HMCN2: variants seen among roughly 807,000 people sequenced by gnomAD.
The protein encoded by HMCN2 is hemicentin 2, also known as hemicentin-2.
A neutral mutation model predicts 377.5 loss-of-function variants in HMCN2; 325 were observed. The ratio of observed to expected loss-of-function variants is 0.86; its 90% CI spans 0.79 to 0.94. The LOEUF (loss-of-function observed/expected upper bound fraction) is 0.94, where lower values mean the gene tolerates loss of function less well. Ranked by LOEUF, HMCN2 falls within the 40% of genes least tolerant of loss-of-function variation. The probability of loss-of-function intolerance (pLI) is 0.00; values close to 1 mark genes in which losing one functional copy is unlikely to be tolerated. For missense variants in HMCN2, 4,543 were observed against 4,725.3 expected, an observed-to-expected ratio of 0.96 and a Z score of 1.13; for synonymous variants, 2,007 against 2,046.8, an observed-to-expected ratio of 0.98 and a Z score of 0.53.
At position 130,433,574 on chromosome 9, in the gene HMCN2, G is replaced by T. The variant is rs887296860; in HGVS notation, c.15121G>T (p.Val5041Phe). Residue 5041 changes from valine (V) to phenylalanine (F), a missense_variant, in exon 98 of 98, where the codon GTC becomes TTC. Transcript: ENST00000683500. ...LRPLRAGLGAVYTRRALTRAG... is the reference protein window; with the variant it reads ...LRPLRAGLGAFYTRRALTRAG... ...TCCGCTGCGCGCGGGCCTTGGCGCG[G>T]TCTACACCCGTCGCGCGCTCACCCG... 2.7e-6 allele frequency: 4 copies of T among 1,505,224 alleles called. No homozygotes were observed. In the African/African-American group the frequency reaches 4.4e-5, roughly 16 times the overall value. The allele number at this position is 1,505,224 out of a possible 1,614,324, so 93.2% of individuals were successfully genotyped here.
intron 80 of HMCN2, 43 bp downstream of exon 80, chr9:130,403,918 G>A: frequency 7.9e-7 from 1 of 1,269,316 alleles, no homozygotes; most frequent in Non-Finnish European, 1.0e-6. Context: ...GGCAACTGAG[G>A]GGCTTTGAGG....
In HMCN2 at chr9:130,279,230, T is replaced by G. The variant is rs74631693; in HGVS notation, c.260-5373T>G. ...AGAGACAGGGTCACTGCATGCGTGATGTATCCAGTCAACTCTTGCCCCAGA... is the reference window on the plus strand; with the variant it reads ...AGAGACAGGGTCACTGCATGCGTGAGGTATCCAGTCAACTCTTGCCCCAGA... On this transcript the variant is annotated intron_variant, in intron 1 of 97. Coordinates refer to ENST00000683500, the MANE Select transcript of HMCN2 (RefSeq NM_001291815.2). 1.0e-3 allele frequency among the ~76,000 whole-genome samples: 154 copies of G among 152,226 alleles called. 2 individuals are homozygous for G. The East Asian group carries it at 0.028, about 27-fold the overall frequency.
At chr9:130,418,214 C>G (rs1271411579) in intron 85 of HMCN2, among the ~76,000 whole-genome samples, 1 of 152,200 alleles carries the variant, frequency 6.6e-6, no homozygotes, top group Non-Finnish European at 1.5e-5. Flanking sequence ...TAGCCACTAA[C>G]AACAGATATG....
rs1840144519 is a variant in HMCN2, at chr9:130,358,052, G to C, written c.5580+64G>C. On this transcript the variant is annotated intron_variant, in intron 35 of 97. Coordinates refer to ENST00000683500, the MANE Select transcript of HMCN2 (RefSeq NM_001291815.2). ...CACAGGTGGAGGGGCTGCTCTGGGG[G>C]CTTCCTGGAGACTCTGAGCAAATCC... 43 of 1,225,288 alleles carry C rather than the reference G, an allele frequency of 3.5e-5. No individual in the cohort carries two copies. The South Asian group carries it at 5.5e-4, about 16-fold the overall frequency. 75.9% of individuals were successfully genotyped at this position (1,225,288 alleles called of 1,614,324 possible). A position where few individuals can be genotyped will look rare whatever the true frequency, so the allele number is the denominator to read the frequency against.
intron 61 of HMCN2, 120 bp downstream of exon 61, chr9:130,386,644 A>G (rs1256863678): frequency 2.2e-6 from 1 of 450,702 alleles, no homozygotes; most frequent in Non-Finnish European, 3.7e-6. Flanking sequence ...TGAAGGCACA[A>G]TGACTAGAAT....
Position 130,360,421 on chromosome 9 carries a change from TCCCCAGATGTCTCCTGGTTCAAGGG to T in HMCN2, c.5774-4_5794del, listed in dbSNP as rs776457019. On this transcript the variant is annotated splice_acceptor_variant and splice_polypyrimidine_tract_variant and coding_sequence_variant and intron_variant, in exon 38 of 98. Coordinates refer to ENST00000683500, the MANE Select transcript of HMCN2 (RefSeq NM_001291815.2). LOFTEE classifies it high-confidence loss of function. This position sits in a 1 kb window ranked among gnomAD's most constrained non-coding sequence, Gnocchi z 4.7. ...TTTCCCCCTTGCATCTCTCTTCCTT[TCCCCAGATGTCTCCTGGTTCAAGGG>T]CCACCAACCTGTCTCTTCATGGATG... 3.1e-6 allele frequency: 4 copies of T among 1,279,498 alleles called. No homozygotes were observed. The South Asian group carries it at 5.1e-5, about 16-fold the overall frequency. 79.3% of individuals were successfully genotyped at this position (1,279,498 alleles called of 1,614,324 possible). A position where few individuals can be genotyped will look rare whatever the true frequency, so the allele number is the denominator to read the frequency against.
At chr9:130,275,903 G>A (rs1483793380) in intron 1 of HMCN2, among the ~76,000 whole-genome samples, 1 of 152,124 alleles carries the variant, frequency 6.6e-6, no homozygotes, top group East Asian at 1.9e-4. Flanking sequence ...GGTGTGAGCT[G>A]GACTAGGCAC....
intron 62 of HMCN2, among the ~76,000 whole-genome samples, chr9:130,390,468 T>C (rs1000565642): frequency 6.6e-6 from 1 of 152,210 alleles, no homozygotes; most frequent in African/African-American, 2.4e-5. Context: ...CATGAGGATC[T>C]GGGCAAGGAG....
intron 82 of HMCN2, 62 bp downstream of exon 82, chr9:130,406,230 G>A (rs1461245870): frequency 4.0e-6 from 5 of 1,257,540 alleles, no homozygotes; most frequent in Non-Finnish European, 5.2e-6. Flanking sequence ...TAAGAAGGGA[G>A]GGCAGGTGGG....
At chr9:130,403,391 G>T (rs141424881) in intron 79 of HMCN2, 63 bp downstream of exon 79, 9 of 1,276,774 alleles carry the variant, frequency 7.0e-6, no homozygotes, top group African/African-American at 1.5e-5. Flanking sequence ...GGCAGGGGGG[G>T]AGTCCTGCTT....
chr9:130,290,212 G>C (rs1835679500), intron 4 of HMCN2, among the ~76,000 whole-genome samples: 1 of 152,198 alleles, frequency 6.6e-6, no homozygotes, highest in African/African-American at 2.4e-5. Flanking sequence ...GGTCTAGAAG[G>C]CAATGTCCCC....
intron 1 of HMCN2, among the ~76,000 whole-genome samples, chr9:130,278,042 C>T (rs1444320142): frequency 4.8e-5 from 7 of 145,892 alleles, no homozygotes; most frequent in Admixed American, 6.8e-5. Context: ...ATCACCACCA[C>T]CATCATCATT....
At chr9:130,426,860 C>T (rs1416122645) in intron 90 of HMCN2, among the ~76,000 whole-genome samples, 2 of 151,814 alleles carry the variant, frequency 1.3e-5, no homozygotes, top group Non-Finnish European at 2.9e-5. Context: ...CCACAGAAGC[C>T]GAAAGATAGG....
chr9:130,305,434 C>A (rs1696374484), intron 11 of HMCN2, among the ~76,000 whole-genome samples: 1 of 152,122 alleles, frequency 6.6e-6, no homozygotes, highest in African/African-American at 2.4e-5. Flanking sequence ...GAGGCAGTGC[C>A]AAGAGCACCC....
At chr9:130,365,794 C>T (rs1840660507) in intron 42 of HMCN2, 67 bp downstream of exon 42, 4 of 978,416 alleles carry the variant, frequency 4.1e-6, no homozygotes, top group African/African-American at 3.5e-5. Flanking sequence ...GGACACAGCC[C>T]TCCTCCAGCC....
Position 130,357,824 on chromosome 9 carries a change from C to T in HMCN2, c.5426-10C>T, listed in dbSNP as rs1033304460. ...TGACTCGGGCTCTTCCTGACTCTTTCCCTTCCCAGAGTTCCCATCGGTCAG... is the reference window on the plus strand; with the variant it reads ...TGACTCGGGCTCTTCCTGACTCTTTTCCTTCCCAGAGTTCCCATCGGTCAG... On this transcript the variant is annotated splice_polypyrimidine_tract_variant and intron_variant, in intron 34 of 97. Transcript: ENST00000683500. 2 of 1,300,856 alleles carry T rather than the reference C, an allele frequency of 1.5e-6. No homozygotes were observed. The highest frequency in any genetic ancestry group is 2.3e-5 in the Admixed American group (1 of 43,432). The allele number at this position is 1,300,856 out of a possible 1,614,324, so 80.6% of individuals were successfully genotyped here. A position where few individuals can be genotyped will look rare whatever the true frequency, so the allele number is the denominator to read the frequency against.
intron 1 of HMCN2, among the ~76,000 whole-genome samples, chr9:130,281,763 A>C (rs1321427466): frequency 6.6e-6 from 1 of 151,940 alleles, no homozygotes. Flanking sequence ...GTGTGGTGGC[A>C]TGCACCTGTA....
At chr9:130,412,065 G>A (rs983994580) in intron 85 of HMCN2, among the ~76,000 whole-genome samples, 2 of 152,066 alleles carry the variant, frequency 1.3e-5, no homozygotes, top group Non-Finnish European at 2.9e-5. Context: ...TCCGCCTCCC[G>A]GGTTCAGGCG....
At chr9:130,286,441 G>A in intron 4 of HMCN2, 131 bp downstream of exon 4, 1 of 399,052 alleles carries the variant, frequency 2.5e-6, no homozygotes, top group Non-Finnish European at 5.1e-6. Flanking sequence ...CTATATAGCT[G>A]AGCAGCACTG....
Sources: gnomAD v4.1 joint callset for allele counts (sites outside exome capture counted in the v4.1 genomes callset) on GRCh38, gnomAD v4.1.1 for gene constraint, Gnocchi (gnomAD v3.1) non-coding constraint, MANE v1.5 for transcripts, NCBI Gene and HGNC (gene_info 2026-07-23, HGNC 2026-07-21) for gene names.